The following SLC22A31 variants were observed in gnomAD, a reference collection of about 807,000 sequenced individuals.
SLC22A31 encodes the protein putative solute carrier family 22 member 31.
A neutral mutation model predicts 27.4 loss-of-function variants in SLC22A31; 42 were observed. The ratio of observed to expected loss-of-function variants is 1.53; its 90% confidence interval spans 1.20 to 1.98. The LOEUF (loss-of-function observed/expected upper bound fraction) is 1.98, where lower values mean the gene tolerates loss of function less well. Among genes scored for constraint, SLC22A31 ranks in the 30% most tolerant of loss-of-function variants. The pLI, the probability that SLC22A31 is intolerant of heterozygous loss-of-function variation, is 0.00. For synonymous variants in SLC22A31, 290 were observed against 230.8 expected (o/e 1.26, Z -2.33); for missense variants, 593 against 479.9 (o/e 1.24, Z -2.20).
chr16:89,196,886 C>T (rs1915984665), intron 8 of SLC22A31, among the ~76,000 whole-genome samples: 2 of 150,178 alleles, frequency 1.3e-5, no homozygotes, highest in South Asian at 4.2e-4. Context: ...TTGGAGGCTG[C>T]AGTGAGCTGA....
At chr16:89,197,451 C>G in intron 7 of SLC22A31, 42 bp from the exon 8 acceptor site, 2 of 1,424,922 alleles carry the variant, frequency 1.4e-6, no homozygotes, top group Non-Finnish European at 9.5e-7. Flanking sequence ...TCTCCCCAGG[C>G]CTTCCACCCT....
At chr16:89,197,639 G>A (rs1218289955) in intron 7 of SLC22A31, among the ~76,000 whole-genome samples, 2 of 152,170 alleles carry the variant, frequency 1.3e-5, no homozygotes, top group African/African-American at 4.8e-5. Flanking sequence ...CAGCCACACC[G>A]ACCACCTCCA....
intron 8 of SLC22A31, chr16:89,196,528 G>A: frequency 4.0e-6 from 3 of 757,560 alleles, no homozygotes; most frequent in South Asian, 3.8e-5. Flanking sequence ...ACACACATGT[G>A]ACTCCAGAGT....
upstream of SLC22A31, chr16:89,201,141 G>A (rs112450324): frequency 1.1e-5 from 4 of 378,068 alleles, no homozygotes; most frequent in Non-Finnish European, 1.9e-5. Context: ...GGAGCAGGAA[G>A]CCCAGGAGGA....
At position 89,199,713 on chromosome 16, in the gene SLC22A31, C is replaced by G. The variant is rs373604551; in HGVS notation, c.128G>C (p.Arg43Pro). 4.9e-6 allele frequency: 2 copies of G among 405,370 alleles called. No homozygotes were observed. The highest frequency in any genetic ancestry group is 2.0e-5 in the African/African-American group (1 of 48,876). 25.1% of individuals were successfully genotyped at this position (405,370 alleles called of 1,614,324 possible). The part of the protein sequence containing the change: ...GCVILGAGCD[R>P]FGRRAVFVAS... ...AGCAGGAAAAGGGAAGGGGCCTCAC[C>G]GGTCACAGCCTGCTCCCAGGATGAC... Residue 43 changes from arginine (R) to proline (P), a missense_variant and splice_region_variant, in exon 2 of 9, where the codon CGG becomes CCG. By Grantham distance (103) the Arg-to-Pro change is moderately radical. Coordinates refer to ENST00000682282, the MANE Select transcript of SLC22A31 (RefSeq NM_001384763.1).
rs780407079 is a variant in SLC22A31 at position 89,196,229 on chromosome 16, G to T, written c.1111C>A (p.Arg371=). 59 of 1,534,480 alleles carry T rather than the reference G, an allele frequency of 3.8e-5. No individual in the cohort carries two copies. In the East Asian group the frequency reaches 1.1e-3, roughly 30 times the overall value. ...ACTTGTTGCAGGAAGAAGCCCTGCC[G>T]GCCGTGCAGGGTGTCCAGGGGGCCG... ...AAGPLDTLHG[R]QGFFLQQVVF... is the part of the protein sequence containing the mutation. Residue 371 remains arginine (R), a synonymous_variant, in exon 9 of 9, where the codon CGG becomes AGG. Coordinates refer to ENST00000682282, the MANE Select transcript of SLC22A31 (RefSeq NM_001384763.1).
At chr16:89,197,183 A>C in intron 8 of SLC22A31, 115 bp downstream of exon 8, 2 of 742,276 alleles carry the variant, frequency 2.7e-6, no homozygotes, top group Non-Finnish European at 2.2e-6. Context: ...GGATGGAGGA[A>C]TCACAGGCAG....
At chr16:89,200,643 C>T (rs1597323716), upstream of SLC22A31, among the ~76,000 whole-genome samples, 1 of 152,142 alleles carries the variant, frequency 6.6e-6, no homozygotes. Context: ...CACACTGGGG[C>T]CAGTCCTCCC....
Position 89,195,842 on chromosome 16 carries a change from TG to T in SLC22A31, c.*156del. On this transcript the variant is annotated 3_prime_UTR_variant, in exon 9 of 9. Transcript: ENST00000682282. ...GGCCTCCCAGTGCCTGGGGCCTGGC[TG>T]GAGACACCTTCACGCTGTCCCCACG... 1.2e-6 allele frequency: 1 copy of T among 826,760 alleles called. No individual in the cohort carries two copies. Among genetic ancestry groups the T allele is most frequent in the Non-Finnish European group, 1.7e-6 (1 of 571,526 alleles). 51.2% of individuals were successfully genotyped at this position (826,760 alleles called of 1,614,324 possible).
chr16:89,199,264 A>G, intron 3 of SLC22A31, 73 bp from the exon 4 acceptor site: 1 of 1,401,638 alleles, frequency 7.1e-7, no homozygotes, highest in Non-Finnish European at 9.4e-7. Context: ...AACTGCGGGG[A>G]CCTATTGGTG....
chr16:89,198,549 C>T lies in SLC22A31; in HGVS notation c.600G>A (p.Glu200=). The T allele has an allele frequency of 6.6e-7, 1 of 1,508,000 alleles. No homozygotes were observed. The highest frequency in any genetic ancestry group is 8.9e-7 in the Non-Finnish European group (1 of 1,129,312). The allele number at this position is 1,508,000 out of a possible 1,614,324, so 93.4% of individuals were successfully genotyped here. A position where few individuals can be genotyped will look rare whatever the true frequency, so the allele number is the denominator to read the frequency against. Residue 200 remains glutamate (E), a splice_region_variant and synonymous_variant, in exon 6 of 9, where the codon GAG becomes GAA. Transcript: ENST00000682282. ...SSLEENSLAT[E]LTMLSARSPQ... ...GGCTCCGTGCAGACAGCATGGTCAG[C>T]TCTGTAGCCGCAGAGATGTGAGGGG... is the stretch of plus-strand genomic sequence containing the variant.
upstream of SLC22A31, chr16:89,201,663 A>G (rs1353632864): frequency 2.0e-5 from 8 of 396,016 alleles, no homozygotes; most frequent in East Asian, 3.6e-5. Context: ...CTCCTGCTCC[A>G]TCGGTCGCAG....
At position 89,195,900 on chromosome 16, in the gene SLC22A31, G is replaced by A. The variant is rs1196177166; in HGVS notation, c.*99C>T. 1 of 1,316,160 alleles carries A rather than the reference G, an allele frequency of 7.6e-7. No individual in the cohort carries two copies. The highest frequency in any genetic ancestry group is 2.6e-5 in the East Asian group (1 of 38,220). The allele number at this position is 1,316,160 out of a possible 1,614,324, so 81.5% of individuals were successfully genotyped here. ...CCTGCACTGAGACACGGGCTTCTGA[G>A]AGGAATGTGTCTGCCCTGGACCAGA... On this transcript the variant is annotated 3_prime_UTR_variant, in exon 9 of 9. Coordinates refer to ENST00000682282, the MANE Select transcript of SLC22A31 (RefSeq NM_001384763.1).
At chr16:89,197,798 G>A (rs1205516609) in intron 7 of SLC22A31, among the ~76,000 whole-genome samples, 1 of 152,230 alleles carries the variant, frequency 6.6e-6, no homozygotes, top group Non-Finnish European at 1.5e-5. Context: ...GAGTATATGG[G>A]CCCTCCCACA....
chr16:89,200,105 C>A (rs368325780), intron 1 of SLC22A31: 16 of 298,776 alleles, frequency 5.4e-5, no homozygotes, highest in East Asian at 4.9e-4. Flanking sequence ...CATTGCTCTT[C>A]CCCCACGGCC....
intron 4 of SLC22A31, 81 bp from the exon 5 acceptor site, chr16:89,198,878 C>T: frequency 2.0e-6 from 3 of 1,491,886 alleles, no homozygotes; most frequent in Non-Finnish European, 2.7e-6. Flanking sequence ...CCCACCCCAC[C>T]CCCAGGCTCA....
rs922755416 is a variant in SLC22A31, at chr16:89,196,113, G to A, written c.1227C>T (p.Asp409=). The A allele has an allele frequency of 1.1e-5, 17 of 1,534,406 alleles. No homozygotes were observed. Among genetic ancestry groups the A allele is most frequent in the East Asian group, 7.3e-5 (3 of 40,892 alleles). Reference sequence around the variant, plus strand: ...GTGGGGAGCGGCGCAGGCGGTCGGCGTCCTGCAGTGACTGGGGCAGCCCCC... The same window carrying A: ...GTGGGGAGCGGCGCAGGCGGTCGGCATCCTGCAGTGACTGGGGCAGCCCCC... The part of the protein sequence containing the change: ...RSRGLPQSLQ[D]ADRLRRSPLL... Residue 409 remains aspartate (D), a synonymous_variant, in exon 9 of 9, where the codon GAC becomes GAT. Coordinates refer to ENST00000682282, the MANE Select transcript of SLC22A31 (RefSeq NM_001384763.1).
chr16:89,199,020 T>C lies in SLC22A31; in HGVS notation c.452+3A>G. ...CTGCTGGCCCAGCTCCCACCACACT[T>C]ACCCCCAAAAGAGCAGCAAGAGTCC... On this transcript the variant is annotated splice_donor_region_variant and intron_variant, in intron 4 of 8. Coordinates refer to ENST00000682282, the MANE Select transcript of SLC22A31 (RefSeq NM_001384763.1). 1 of 1,534,430 alleles carries C rather than the reference T, an allele frequency of 6.5e-7. No homozygotes were observed.
chr16:89,196,178 C>G lies in SLC22A31; in HGVS notation c.1162G>C (p.Ala388Pro). The change falls in exon 9 of 9, where the codon GCC becomes CCC. Residue 388 changes from alanine to proline, a missense_variant. Transcript: ENST00000682282. Reference sequence around the variant, plus strand: ...GGCAGCAGCAGGACACACAGCAGGGCAAGGACAGCAAGGGAGGCGAAGACG... The same window carrying G: ...GGCAGCAGCAGGACACACAGCAGGGGAAGGACAGCAAGGGAGGCGAAGACG... ...QVVFASLAVL[A>P]LLCVLLLPES... 1 of 1,535,196 alleles carries G rather than the reference C, an allele frequency of 6.5e-7. No homozygotes were observed. The highest frequency in any genetic ancestry group is 1.7e-4 in the Middle Eastern group (1 of 5,824).
Sources: allele counts gnomAD v4.1 joint callset (sites outside exome capture counted in the v4.1 genomes callset), GRCh38; gene constraint gnomAD v4.1.1; transcripts MANE v1.5; gene names NCBI Gene and HGNC (gene_info 2026-07-23, HGNC 2026-07-21).